Variants in CHCHD4 observed in about 807,000 individuals in gnomAD.
CHCHD4 encodes the protein coiled-coil-helix-coiled-coil-helix domain containing 4.
Under a neutral mutation model 12.4 loss-of-function variants are expected in CHCHD4, and 7 were observed. The ratio of observed to expected loss-of-function variants is 0.57; its 90% CI spans 0.32 to 1.06. The LOEUF is 1.06. Ranked by LOEUF, CHCHD4 falls within the 50% of genes least tolerant of loss-of-function variation. CHCHD4 has a pLI of 0.04. For missense variants in CHCHD4, 143 were observed against 175.1 expected, an observed-to-expected ratio of 0.82 and a Z score of 1.03; for synonymous variants, 56 against 58.0, an observed-to-expected ratio of 0.97 and a Z score of 0.16.
At position 14,124,857 on chromosome 3, in the gene CHCHD4, C is replaced by T; in HGVS notation, c.-181G>A. 1 of 704,640 alleles carries T rather than the reference C, an allele frequency of 1.4e-6. No homozygotes were observed. Among genetic ancestry groups the T allele is most frequent in the Non-Finnish European group, 2.4e-6 (1 of 425,124 alleles). The allele number at this position is 704,640 out of a possible 1,614,324, so 43.6% of individuals were successfully genotyped here. On this transcript the variant is annotated 5_prime_UTR_variant, in exon 1 of 3. Coordinates refer to ENST00000396914, the MANE Select transcript of CHCHD4 (RefSeq NM_001098502.2). ...CCCTCGCAACCGCGGCCAGGCCAAC[C>T]TCAGCCGGAAACTACATTTCCCAGC...
At chr3:14,119,089 G>A (rs1183915049) in intron 1 of CHCHD4, 1 of 152,350 alleles carries the variant, frequency 6.6e-6, no homozygotes, top group East Asian at 1.9e-4. Flanking sequence ...GGAAACACCA[G>A]CCTAGCACAA....
chr3:14,115,595 G>A (rs906149377), intron 2 of CHCHD4, among the ~76,000 whole-genome samples: 2 of 152,162 alleles, frequency 1.3e-5, no homozygotes, highest in African/African-American at 4.8e-5. Context: ...TTAACCCCTA[G>A]GAGCAGTCAG....
intron 2 of CHCHD4, among the ~76,000 whole-genome samples, chr3:14,114,289 C>T (rs1694852407): frequency 1.3e-5 from 2 of 152,160 alleles, no homozygotes; most frequent in Non-Finnish European, 2.9e-5. Context: ...GCCCCCTTAG[C>T]AGGCGCAGAC....
intron 1 of CHCHD4, among the ~76,000 whole-genome samples, chr3:14,121,465 ATCTT>A (rs1199936612): frequency 6.6e-6 from 1 of 152,144 alleles, no homozygotes; most frequent in Non-Finnish European, 1.5e-5. Context: ...AAAGGGGAGG[ATCTT>A]TATACACCAG....
chr3:14,116,465 A>G lies in CHCHD4; in HGVS notation c.82T>C (p.Leu28=). Residue 28 remains leucine (L), a synonymous_variant, in exon 2 of 3, where the codon TTG becomes CTG. Coordinates refer to ENST00000396914, the MANE Select transcript of CHCHD4 (RefSeq NM_001098502.2). ...GGATCGTTGGGGTCATCAGCCACCAATTCTGCACTGCTTGGAGTTTCATGA... is the reference window on the plus strand; with the variant it reads ...GGATCGTTGGGGTCATCAGCCACCAGTTCTGCACTGCTTGGAGTTTCATGA... ...EDHETPSSAE[L]VADDPNDPYE... 6.2e-7 allele frequency: 1 copy of G among 1,613,980 alleles called. No homozygotes were observed. The highest frequency in any genetic ancestry group is 8.5e-7 in the Non-Finnish European group (1 of 1,179,848).
chr3:14,116,488 TG>T lies in CHCHD4; in HGVS notation c.58del (p.His20MetfsTer23), dbSNP rs1393731945. On this transcript the variant is annotated frameshift_variant, in exon 2 of 3. Coordinates refer to ENST00000396914, the MANE Select transcript of CHCHD4 (RefSeq NM_001098502.2). LOFTEE classifies it high-confidence loss of function. ...CAATTCTGCACTGCTTGGAGTTTCA[TG>T]ATCTTCTTTGGTTACAAATATGATT... is the stretch of plus-strand genomic sequence containing the variant. ...DRIIFVTKEDHETPSSAELVA... is the reference protein window; with the variant it reads ...DRIIFVTKEDXETPSSAELVA... 4 of 1,613,504 alleles carry T rather than the reference TG, an allele frequency of 2.5e-6. No homozygotes were observed. Among genetic ancestry groups the T allele is most frequent in the Non-Finnish European group, 8.5e-7 (1 of 1,179,502 alleles).
chr3:14,121,800 C>A, intron 1 of CHCHD4: 2 of 1,554,810 alleles, frequency 1.3e-6, no homozygotes, highest in Non-Finnish European at 1.7e-6. Flanking sequence ...TAGAATCTAA[C>A]CCCTTTGAAA....
chr3:14,117,316 T>G (rs185088632), intron 1 of CHCHD4, among the ~76,000 whole-genome samples: 1 of 152,320 alleles, frequency 6.6e-6, no homozygotes, highest in East Asian at 1.9e-4. Context: ...GCATTTTATA[T>G]TAGGAGCTTC....
rs1490791850 is a variant in CHCHD4, at chr3:14,112,215, G to C, written c.*672C>G. The C allele has an allele frequency of 6.6e-6, 1 of 152,128 alleles. No individual in the cohort carries two copies. The highest frequency in any genetic ancestry group is 1.5e-5 in the Non-Finnish European group (1 of 68,058). The allele number at this position is 152,128 out of a possible 1,614,324, so 9.4% of individuals were successfully genotyped here. On this transcript the variant is annotated 3_prime_UTR_variant, in exon 3 of 3. Coordinates refer to ENST00000396914, the MANE Select transcript of CHCHD4 (RefSeq NM_001098502.2). ...TAGACTGAGAGCCAGTGTGAACATG[G>C]GCCCCAAACCAGGGCTTTCGGAATA...
intron 2 of CHCHD4, among the ~76,000 whole-genome samples, chr3:14,114,690 C>A (rs1471959713): frequency 1.3e-5 from 2 of 152,134 alleles, no homozygotes; most frequent in African/African-American, 4.8e-5. Context: ...AAATGTATAA[C>A]CTAGGTCTCC....
In CHCHD4 at chr3:14,112,851, C is replaced by T. The variant is rs1694835201; in HGVS notation, c.*36G>A. 6.4e-7 allele frequency: 1 copy of T among 1,572,416 alleles called. No homozygotes were observed. The highest frequency in any genetic ancestry group is 1.4e-5 in the African/African-American group (1 of 73,436). ...CAAGGCCTTTTGCAAAAGGTCCACTCCAAAAGGACTGGTGCCCAGTGCCTT... is the reference window on the plus strand; with the variant it reads ...CAAGGCCTTTTGCAAAAGGTCCACTTCAAAAGGACTGGTGCCCAGTGCCTT... On this transcript the variant is annotated 3_prime_UTR_variant, in exon 3 of 3. Coordinates refer to ENST00000396914, the MANE Select transcript of CHCHD4 (RefSeq NM_001098502.2).
At chr3:14,118,140 G>A (rs890210574) in intron 1 of CHCHD4, among the ~76,000 whole-genome samples, 3 of 152,158 alleles carry the variant, frequency 2.0e-5, no homozygotes, top group Non-Finnish European at 4.4e-5. Flanking sequence ...TGGGGTACTG[G>A]GACCCTCATC....
chr3:14,117,428 C>T (rs1221610792), intron 1 of CHCHD4, among the ~76,000 whole-genome samples: 2 of 152,212 alleles, frequency 1.3e-5, no homozygotes, highest in Non-Finnish European at 2.9e-5. Context: ...GAAGTATTAT[C>T]ACCCTCAGCC....
At chr3:14,120,428 C>A (rs1013459204) in intron 1 of CHCHD4, among the ~76,000 whole-genome samples, 5 of 152,158 alleles carry the variant, frequency 3.3e-5, no homozygotes, top group Non-Finnish European at 7.3e-5. Flanking sequence ...TGAGCACATG[C>A]CTACCTCTGG....
intron 1 of CHCHD4, chr3:14,121,967 G>C: frequency 1.2e-6 from 2 of 1,614,058 alleles, no homozygotes; most frequent in African/African-American, 1.3e-5. Context: ...AGATGAATAC[G>C]ACACAGGCAT....
intron 1 of CHCHD4, among the ~76,000 whole-genome samples, chr3:14,123,722 A>G (rs570006381): frequency 1.3e-5 from 2 of 152,302 alleles, no homozygotes; most frequent in Admixed American, 6.5e-5. Context: ...TGCCGTATCA[A>G]TGAAGCCCAA....
At chr3:14,119,558 T>C (rs1386887607) in intron 1 of CHCHD4, among the ~76,000 whole-genome samples, 2 of 152,216 alleles carry the variant, frequency 1.3e-5, no homozygotes, top group East Asian at 3.8e-4. Context: ...TGCCAACTAG[T>C]GGGACAATCA....
At chr3:14,120,418 T>C (rs1468747358) in intron 1 of CHCHD4, among the ~76,000 whole-genome samples, 1 of 152,184 alleles carries the variant, frequency 6.6e-6, no homozygotes, top group African/African-American at 2.4e-5. Flanking sequence ...TTGAATGTGC[T>C]GAGCACATGC....
At chr3:14,124,566 C>T (rs937071874) in intron 1 of CHCHD4, 89 bp downstream of exon 1, 17 of 1,290,824 alleles carry the variant, frequency 1.3e-5, no homozygotes, top group Non-Finnish European at 1.7e-5. Flanking sequence ...TCAGGTGGCC[C>T]GCGCCCGGCG....
Sources: allele counts gnomAD v4.1 joint callset (sites outside exome capture counted in the v4.1 genomes callset), GRCh38; gene constraint gnomAD v4.1.1; transcripts MANE v1.5; gene names NCBI Gene and HGNC (gene_info 2026-07-23, HGNC 2026-07-21).